MCPH1: variants seen among roughly 807,000 people sequenced by gnomAD.
MCPH1 encodes the protein microcephalin 1.
Under a neutral mutation model 84.5 loss-of-function variants are expected in MCPH1, and 104 were observed. The ratio of observed to expected loss-of-function variants is 1.23; its 90% CI spans 1.05 to 1.45. The LOEUF is 1.45. MCPH1 is among the 40% of genes most tolerant of loss of function. The probability of loss-of-function intolerance (pLI) is 0.00; values close to 1 mark genes in which losing one functional copy is unlikely to be tolerated. For synonymous variants in MCPH1, 514 were observed against 366.8 expected (o/e 1.40, Z -4.58); for missense variants, 1,498 against 1,005.7 (o/e 1.49, Z -6.62).
Position 6,439,069 on chromosome 8 carries a change from G to A in MCPH1, c.553G>A (p.Glu185Lys). 1.2e-6 allele frequency: 2 copies of A among 1,613,378 alleles called. No individual in the cohort carries two copies. The highest frequency in any genetic ancestry group is 1.7e-6 in the Non-Finnish European group (2 of 1,179,842). The change falls in exon 6 of 14, where the codon GAG becomes AAG. Residue 185 changes from glutamate to lysine, a missense_variant. Physicochemically the swap from Glu to Lys is moderately conservative, Grantham distance 56. Coordinates refer to ENST00000344683, the MANE Select transcript of MCPH1 (RefSeq NM_024596.5). The stretch of plus-strand genomic sequence containing the variant: ...GGAGAAGAGATTACAAGAGATGAAG[G>A]AGAAAAGGGAAAATCTTTCCCCCAC... ...AMEKRLQEMK[E>K]KRENLSPTSS...
intron 2 of MCPH1, among the ~76,000 whole-genome samples, 184 bp from the exon 3 acceptor site, chr8:6,414,581 T>G (rs927653966): frequency 2.6e-5 from 4 of 152,202 alleles, no homozygotes; most frequent in Admixed American, 1.3e-4. Context: ...GATGTGAACT[T>G]GTGTGTATGA....
Position 6,444,576 on chromosome 8 carries a change from A to C in MCPH1, c.854A>C (p.Lys285Thr). Residue 285 changes from lysine (K) to threonine (T), a missense_variant, in exon 8 of 14, where the codon AAA becomes ACA. Physicochemically the swap from Lys to Thr is moderately conservative, Grantham distance 78. Coordinates refer to ENST00000344683, the MANE Select transcript of MCPH1 (RefSeq NM_024596.5). ...TCACCATCTTTCACTCACCTCGATAAATCAAGTCCTCAGAAATTTCTGAGT... is the reference window on the plus strand; with the variant it reads ...TCACCATCTTTCACTCACCTCGATACATCAAGTCCTCAGAAATTTCTGAGT... ...HSSPSFTHLDKSSPQKFLSNL... is the reference protein window; with the variant it reads ...HSSPSFTHLDTSSPQKFLSNL... 2 of 1,614,166 alleles carry C rather than the reference A, an allele frequency of 1.2e-6. No homozygotes were observed. The highest frequency in any genetic ancestry group is 1.7e-6 in the Non-Finnish European group (2 of 1,179,982).
rs562258204 is a variant in MCPH1 at position 6,521,159 on chromosome 8, G to T, written c.2214+21230G>T. 5 of 1,597,816 alleles carry T rather than the reference G, an allele frequency of 3.1e-6. No homozygotes were observed. The East Asian group carries it at 1.1e-4, about 36-fold the overall frequency. On this transcript the variant is annotated intron_variant, in intron 12 of 13. Transcript: ENST00000344683. ...CTAAAGGTTATTAACGCTGAAGAAA[G>T]CATGATATGTAAACTTACAGTTTGA... is the stretch of plus-strand genomic sequence containing the variant.
At chr8:6,406,715 C>T (rs1217761304) in intron 1 of MCPH1, 26 bp downstream of exon 1, 2 of 1,611,116 alleles carry the variant, frequency 1.2e-6, no homozygotes, top group Non-Finnish European at 1.7e-6. Context: ...CTGCCTGCTC[C>T]AGCAGCGGGA....
At chr8:6,475,390 C>A (rs1401413976) in intron 9 of MCPH1, among the ~76,000 whole-genome samples, 1 of 152,196 alleles carries the variant, frequency 6.6e-6, no homozygotes, top group Non-Finnish European at 1.5e-5. Context: ...TGGCAGACGC[C>A]CTTGTGGCTC....
intron 4 of MCPH1, among the ~76,000 whole-genome samples, chr8:6,432,575 C>T (rs907304728): frequency 6.6e-6 from 1 of 152,236 alleles, no homozygotes; most frequent in African/African-American, 2.4e-5. Flanking sequence ...TACTCTGAAA[C>T]ATCACAGCCA....
chr8:6,431,120 G>A (rs766000849), intron 3 of MCPH1, among the ~76,000 whole-genome samples: 5 of 152,098 alleles, frequency 3.3e-5, no homozygotes, highest in African/African-American at 7.2e-5. Flanking sequence ...ATTTCTTTAC[G>A]TCCCTTCTAC....
intron 13 of MCPH1, among the ~76,000 whole-genome samples, chr8:6,633,985 T>C (rs1434513230): frequency 2.6e-5 from 4 of 152,176 alleles, no homozygotes; most frequent in Non-Finnish European, 5.9e-5. Flanking sequence ...CAGAAGAGTA[T>C]GGTGTTGGGA....
intron 12 of MCPH1, among the ~76,000 whole-genome samples, chr8:6,544,613 C>T (rs1219110383): frequency 7.9e-5 from 12 of 152,104 alleles, no homozygotes; most frequent in South Asian, 4.1e-4. Context: ...GAGTAAGAAC[C>T]GACATGCACA....
intron 12 of MCPH1, among the ~76,000 whole-genome samples, chr8:6,611,828 C>T (rs1830300674): frequency 6.6e-6 from 1 of 152,140 alleles, no homozygotes; most frequent in Non-Finnish European, 1.5e-5. Flanking sequence ...CCGTGTTAGC[C>T]AGGATGGTCT....
chr8:6,542,191 T>C (rs1821717230), intron 12 of MCPH1, among the ~76,000 whole-genome samples: 1 of 152,168 alleles, frequency 6.6e-6, no homozygotes, highest in Non-Finnish European at 1.5e-5. Context: ...ATAATAATAA[T>C]GTAACAAAAT....
At chr8:6,510,115 A>G (rs1193864218) in intron 12 of MCPH1, among the ~76,000 whole-genome samples, 2 of 152,118 alleles carry the variant, frequency 1.3e-5, no homozygotes, top group African/African-American at 2.4e-5. Flanking sequence ...AGCAAGGAGC[A>G]TATAAGGGAA....
chr8:6,431,890 A>G (rs954150760), intron 4 of MCPH1, among the ~76,000 whole-genome samples: 3 of 152,258 alleles, frequency 2.0e-5, no homozygotes, highest in East Asian at 1.9e-4. Flanking sequence ...GAAGTTTGTT[A>G]TATCTGTAGC....
chr8:6,434,428 C>T (rs191688773), intron 4 of MCPH1, among the ~76,000 whole-genome samples: 1 of 152,298 alleles, frequency 6.6e-6, no homozygotes, highest in East Asian at 1.9e-4. Flanking sequence ...TATAAAGCAC[C>T]ACTGTCTAAT....
chr8:6,487,243 C>A (rs939287775), intron 11 of MCPH1, among the ~76,000 whole-genome samples: 1 of 152,140 alleles, frequency 6.6e-6, no homozygotes, highest in African/African-American at 2.4e-5. Flanking sequence ...TTTTCTTAAT[C>A]AAAAATGATT....
At chr8:6,460,092 G>C (rs1051684291) in intron 9 of MCPH1, among the ~76,000 whole-genome samples, 9 of 151,968 alleles carry the variant, frequency 5.9e-5, no homozygotes, top group Non-Finnish European at 8.8e-5. Flanking sequence ...AGGCCGTCCT[G>C]TCTTTGATCT....
chr8:6,439,708 C>T (rs1803228889), intron 6 of MCPH1, among the ~76,000 whole-genome samples: 1 of 152,298 alleles, frequency 6.6e-6, no homozygotes, highest in East Asian at 1.9e-4. Flanking sequence ...GGCCGTGAAT[C>T]ATGTCTTTTG....
chr8:6,608,978 G>A (rs566459910), intron 12 of MCPH1, among the ~76,000 whole-genome samples: 20 of 152,290 alleles, frequency 1.3e-4, no homozygotes, highest in African/African-American at 4.6e-4. Context: ...CTTCTCCTCT[G>A]AAGCATGAAG....
At chr8:6,546,631 C>T (rs892883783) in intron 12 of MCPH1, among the ~76,000 whole-genome samples, 9 of 151,916 alleles carry the variant, frequency 5.9e-5, no homozygotes, top group South Asian at 2.1e-4. Flanking sequence ...TGGAGCTAAC[C>T]GCTTAATACA....
Sources: allele counts gnomAD v4.1 joint callset (sites outside exome capture counted in the v4.1 genomes callset), GRCh38; gene constraint gnomAD v4.1.1; transcripts MANE v1.5; gene names NCBI Gene and HGNC (gene_info 2026-07-23, HGNC 2026-07-21).